PEX14: variants seen among roughly 807,000 people sequenced by gnomAD.
PEX14 encodes the protein peroxisomal biogenesis factor 14, also known as peroxisomal membrane protein PEX14.
Under a neutral mutation model 49.5 loss-of-function variants are expected in PEX14, and 15 were observed. The observed-to-expected ratio is 0.30, with a 90% CI of 0.20 to 0.47. The LOEUF (loss-of-function observed/expected upper bound fraction) is 0.47, where lower values mean the gene tolerates loss of function less well. Among genes scored for constraint, PEX14 ranks in the 20% least tolerant of loss-of-function variants. PEX14 has a pLI of 1.00. For synonymous variants in PEX14, 210 were observed against 212.7 expected, an observed-to-expected ratio of 0.99 and a Z score of 0.11; for missense variants, 398 against 494.8, an observed-to-expected ratio of 0.80 and a Z score of 1.86.
At chr1:10,600,947 CAA>C (rs1302779458) in intron 4 of PEX14, among the ~76,000 whole-genome samples, 9 of 145,130 alleles carry the variant, frequency 6.2e-5, no homozygotes, top group African/African-American at 2.3e-4. Context: ...CCCTGGGCAA[CAA>C]GAGCAAAACT....
chr1:10,480,129 T>C (rs1306075175), intron 1 of PEX14, among the ~76,000 whole-genome samples: 1 of 152,216 alleles, frequency 6.6e-6, no homozygotes, highest in Non-Finnish European at 1.5e-5. Context: ...TCCCAGTCTT[T>C]ACATGTAGTT....
At chr1:10,622,276 C>A (rs1312242485) in intron 5 of PEX14, among the ~76,000 whole-genome samples, 2 of 152,198 alleles carry the variant, frequency 1.3e-5, no homozygotes, top group East Asian at 1.9e-4. Flanking sequence ...TCCCCAGAGC[C>A]AGTTTCTTCT....
chr1:10,578,080 A>G lies in PEX14; in HGVS notation c.170-21158A>G, dbSNP rs186837882. 2.6e-3 allele frequency among the ~76,000 whole-genome samples: 391 copies of G among 152,138 alleles called. 2 individuals are homozygous for G. The highest frequency in any genetic ancestry group is 3.7e-3 in the Admixed American group (57 of 15,282). The stretch of plus-strand genomic sequence containing the variant: ...TTGAGGAATCAGGGGATATTTTGAG[A>G]CTGTGTGTCGGGAAATTGAAGATGG... On this transcript the variant is annotated intron_variant, in intron 3 of 8. Coordinates refer to ENST00000356607, the MANE Select transcript of PEX14 (RefSeq NM_004565.3).
rs1641822666 is a variant in PEX14, at chr1:10,628,768, G to A, written c.678-763G>A. ...TGGGAGAGTTGTGTCTAAGGCCCCT[G>A]CTGGGGGACAGCCCTGCGGGCAGGG... is the stretch of plus-strand genomic sequence containing the variant. On this transcript the variant is annotated intron_variant, in intron 8 of 8. Coordinates refer to ENST00000356607, the MANE Select transcript of PEX14 (RefSeq NM_004565.3). This position sits in a 1 kb window ranked among gnomAD's most constrained non-coding sequence, Gnocchi z 4.5. Among the ~76,000 whole-genome samples, 1 of 152,232 alleles carries A rather than the reference G, an allele frequency of 6.6e-6. No homozygotes were observed. The highest frequency in any genetic ancestry group is 2.4e-5 in the African/African-American group (1 of 41,464).
chr1:10,541,447 C>T (rs1327084488), intron 3 of PEX14, among the ~76,000 whole-genome samples: 1 of 152,178 alleles, frequency 6.6e-6, no homozygotes, highest in Non-Finnish European at 1.5e-5. Context: ...ACTTCCTGCT[C>T]TTTCTCCCGT....
intron 3 of PEX14, among the ~76,000 whole-genome samples, chr1:10,552,074 C>A (rs1639349530): frequency 6.6e-6 from 1 of 151,892 alleles, no homozygotes; most frequent in Non-Finnish European, 1.5e-5. Flanking sequence ...GCCTGGGCGA[C>A]AGAACAAGAC....
intron 3 of PEX14, among the ~76,000 whole-genome samples, chr1:10,562,745 T>C (rs910188174): frequency 2.0e-5 from 3 of 152,140 alleles, no homozygotes; most frequent in African/African-American, 7.2e-5. Context: ...ATAAGTACCT[T>C]CTGAGGAGAT....
rs188054122 is a variant in PEX14, at chr1:10,524,464, A to G, written c.85-11749A>G. 3.9e-5 allele frequency: 37 copies of G among 939,082 alleles called. No homozygotes were observed. The African/African-American group carries it at 4.2e-4, about 11-fold the overall frequency. The allele number at this position is 939,082 out of a possible 1,614,324, so 58.2% of individuals were successfully genotyped here. ...TTGATTTAAAGGAGGAAGATGCTCA[A>G]TAAACTGATTTGCTTAATGGTGAGA... On this transcript the variant is annotated intron_variant, in intron 2 of 8. Transcript: ENST00000356607.
In PEX14 at chr1:10,512,692, C is replaced by CT. The variant is rs57693471; in HGVS notation, c.84+17382dup. Among the ~76,000 whole-genome samples, 1,143 of 147,296 alleles carry CT rather than the reference C, an allele frequency of 7.8e-3. 15 individuals carry two copies. The highest frequency in any genetic ancestry group is 0.026 in the African/African-American group (1,045 of 40,410). On this transcript the variant is annotated intron_variant, in intron 2 of 8. Coordinates refer to ENST00000356607, the MANE Select transcript of PEX14 (RefSeq NM_004565.3). The surrounding 1 kb of genome is among the most constrained non-coding windows in gnomAD (Gnocchi z 4.6). ...TGAAATGCTCCCTGTTCTTTTCCTT[C>CT]TTTTTTTTTTTAACTTTTATTTTTT...
At chr1:10,516,631 C>G (rs188415439) in intron 2 of PEX14, among the ~76,000 whole-genome samples, 32 of 152,360 alleles carry the variant, frequency 2.1e-4, no homozygotes, top group Admixed American at 7.2e-4. Flanking sequence ...CAAGGACAGT[C>G]TGGTCTCCCA....
chr1:10,590,638 A>G (rs1640637164), intron 3 of PEX14, among the ~76,000 whole-genome samples: 1 of 152,208 alleles, frequency 6.6e-6, no homozygotes, highest in Non-Finnish European at 1.5e-5. Flanking sequence ...TAAGCACTCA[A>G]ATATTTATGG....
chr1:10,587,876 A>C (rs1016311478), intron 3 of PEX14, among the ~76,000 whole-genome samples: 2 of 146,568 alleles, frequency 1.4e-5, no homozygotes, highest in Non-Finnish European at 3.0e-5. Context: ...ACGGACACAC[A>C]TATGTATACA....
chr1:10,594,429 C>G (rs893850753), intron 3 of PEX14, among the ~76,000 whole-genome samples: 5 of 152,184 alleles, frequency 3.3e-5, no homozygotes, highest in African/African-American at 1.2e-4. Context: ...TCCCAATGAC[C>G]AGCCCTTGAC....
intron 3 of PEX14, among the ~76,000 whole-genome samples, chr1:10,567,875 C>T (rs1639852780): frequency 2.0e-5 from 3 of 152,296 alleles, no homozygotes; most frequent in South Asian, 4.1e-4. Flanking sequence ...AAGTGATCCT[C>T]CTGCCTCAGC....
At chr1:10,538,974 C>T (rs750613102) in intron 3 of PEX14, among the ~76,000 whole-genome samples, 1 of 152,170 alleles carries the variant, frequency 6.6e-6, no homozygotes, top group Admixed American at 6.5e-5. Flanking sequence ...TAATAAACAT[C>T]TCTTTCCTGA....
chr1:10,596,937 C>A (rs1042183803), intron 3 of PEX14, among the ~76,000 whole-genome samples: 31 of 152,232 alleles, frequency 2.0e-4, no homozygotes, highest in Admixed American at 2.0e-3. Flanking sequence ...TCAACTGTGG[C>A]CTCACTAGTG....
At chr1:10,574,218 T>C (rs1640060365) in intron 3 of PEX14, among the ~76,000 whole-genome samples, 1 of 152,112 alleles carries the variant, frequency 6.6e-6, no homozygotes, top group Non-Finnish European at 1.5e-5. Context: ...AAAGAATGAA[T>C]TACTGGTCAA....
chr1:10,475,112 C>T lies in PEX14; in HGVS notation c.36+110C>T, dbSNP rs972887311. The stretch of plus-strand genomic sequence containing the variant: ...ACCCCGAGTCTCCGAAGCTGGGGAC[C>T]CCGACCTCTTGCCCCCTCCTGAGCC... On this transcript the variant is annotated intron_variant, in intron 1 of 8. Coordinates refer to ENST00000356607, the MANE Select transcript of PEX14 (RefSeq NM_004565.3). 151 of 1,061,840 alleles carry T rather than the reference C, an allele frequency of 1.4e-4. 2 individuals carry two copies. In the East Asian group the frequency reaches 3.8e-3, roughly 27 times the overall value. 65.8% of individuals were successfully genotyped at this position (1,061,840 alleles called of 1,614,324 possible). A position where few individuals can be genotyped will look rare whatever the true frequency, so the allele number is the denominator to read the frequency against.
At chr1:10,584,571 A>G (rs1038812474) in intron 3 of PEX14, among the ~76,000 whole-genome samples, 1 of 152,266 alleles carries the variant, frequency 6.6e-6, no homozygotes, top group Non-Finnish European at 1.5e-5. Context: ...AGACAGATCA[A>G]TAGAGAATAA....
Sources: allele counts gnomAD v4.1 joint callset (sites outside exome capture counted in the v4.1 genomes callset), GRCh38; gene constraint gnomAD v4.1.1; non-coding constraint Gnocchi (gnomAD v3.1); transcripts MANE v1.5; gene names NCBI Gene and HGNC (gene_info 2026-07-23, HGNC 2026-07-21).